CNTN4: variants seen among roughly 807,000 people sequenced by gnomAD.
CNTN4 encodes contactin 4.
CNTN4 carries 77 observed loss-of-function variants against 122.5 expected under a neutral mutation model. That is an observed-to-expected ratio of 0.63 (90% confidence interval 0.52 to 0.76). The LOEUF (loss-of-function observed/expected upper bound fraction) is 0.76, where lower values mean the gene tolerates loss of function less well. CNTN4 is among the 30% of genes least tolerant of loss of function. CNTN4 has a pLI of 0.00. For synonymous variants in CNTN4, 512 were observed against 447.0 expected (o/e 1.15, Z -1.83); for missense variants, 1,256 against 1,259.1 (o/e 1.00, Z 0.04).
chr3:2,474,983 A>G (rs1422655471), intron 3 of CNTN4, among the ~76,000 whole-genome samples: 3 of 152,196 alleles, frequency 2.0e-5, no homozygotes, highest in Non-Finnish European at 2.9e-5. Flanking sequence ...TTTAAATAGC[A>G]ATGCATTCAA....
At chr3:2,351,689 G>T (rs2044630207) in intron 3 of CNTN4, among the ~76,000 whole-genome samples, 1 of 151,974 alleles carries the variant, frequency 6.6e-6, no homozygotes, top group African/African-American at 2.4e-5. Flanking sequence ...TAATATTTTT[G>T]GAATGTGGTT....
Position 2,790,095 on chromosome 3 carries a change from A to G in CNTN4, c.359-29391A>G, listed in dbSNP as rs77767627. ...TAATTTCACTTCTTATTTAGGGGAA[A>G]AATTATTATCTCTTTTTAAAATGAG... On this transcript the variant is annotated intron_variant, in intron 6 of 24. Coordinates refer to ENST00000418658, the MANE Select transcript of CNTN4 (RefSeq NM_175607.3). 9.4e-3 allele frequency among the ~76,000 whole-genome samples: 1,433 copies of G among 152,350 alleles called. 7 individuals carry two copies. The highest frequency in any genetic ancestry group is 0.017 in the South Asian group (84 of 4,830).
chr3:2,325,875 C>G (rs1393310582), intron 2 of CNTN4, among the ~76,000 whole-genome samples: 1 of 152,030 alleles, frequency 6.6e-6, no homozygotes, highest in Admixed American at 6.6e-5. Context: ...GCTTTATTTT[C>G]TAATAGAAAT....
chr3:2,592,953 C>A (rs1473284246), intron 4 of CNTN4, among the ~76,000 whole-genome samples: 2 of 152,176 alleles, frequency 1.3e-5, no homozygotes, highest in Non-Finnish European at 2.9e-5. Flanking sequence ...GGTTTCTAAT[C>A]AGGTGAAGAG....
intron 2 of CNTN4, among the ~76,000 whole-genome samples, chr3:2,128,290 C>T (rs2034279991): frequency 6.6e-6 from 1 of 152,182 alleles, no homozygotes; most frequent in African/African-American, 2.4e-5. Flanking sequence ...CAAAAGAAAA[C>T]ACATATTTCC....
intron 2 of CNTN4, among the ~76,000 whole-genome samples, chr3:2,111,984 T>C (rs905085242): frequency 6.6e-6 from 1 of 152,160 alleles, no homozygotes; most frequent in Non-Finnish European, 1.5e-5. Context: ...ATCTATGGGA[T>C]AGACAATGCA....
chr3:2,793,722 C>T (rs538847357), intron 6 of CNTN4, among the ~76,000 whole-genome samples: 2 of 152,248 alleles, frequency 1.3e-5, no homozygotes, highest in East Asian at 3.9e-4. Context: ...TACCTTATTC[C>T]ATGCTACCTA....
intron 2 of CNTN4, among the ~76,000 whole-genome samples, chr3:2,251,027 G>T (rs1309934218): frequency 6.6e-6 from 1 of 151,774 alleles, no homozygotes; most frequent in Non-Finnish European, 1.5e-5. Context: ...TATATATAGT[G>T]TCATATCTAA....
At chr3:2,849,354 T>C (rs759342310) in intron 7 of CNTN4, among the ~76,000 whole-genome samples, 32 of 152,320 alleles carry the variant, frequency 2.1e-4, no homozygotes, top group Middle Eastern at 6.8e-3. Context: ...TTGCACAACA[T>C]TGGGAATGGA....
intron 6 of CNTN4, among the ~76,000 whole-genome samples, chr3:2,777,810 T>C (rs189003631): frequency 1.6e-4 from 24 of 152,354 alleles, no homozygotes; most frequent in African/African-American, 5.0e-4. Context: ...TCCTTTTCTC[T>C]GTGAAAGTTT....
chr3:3,004,590 C>CACCT (rs1696422299), intron 14 of CNTN4, among the ~76,000 whole-genome samples: 1 of 152,160 alleles, frequency 6.6e-6, no homozygotes, highest in Non-Finnish European at 1.5e-5. Flanking sequence ...TCGACATTAC[C>CACCT]ACCTATAAGC....
chr3:2,588,234 T>A (rs2080296422), intron 4 of CNTN4, among the ~76,000 whole-genome samples: 1 of 152,154 alleles, frequency 6.6e-6, no homozygotes, highest in Non-Finnish European at 1.5e-5. Context: ...AGTATAAGAC[T>A]GTCATGTGTC....
intron 20 of CNTN4, chr3:3,040,525 A>G (rs1013788364): frequency 1.9e-6 from 1 of 533,040 alleles, no homozygotes; most frequent in Non-Finnish European, 3.4e-6. Flanking sequence ...TGCAAATACC[A>G]TATAAGATCT....
At chr3:2,675,132 A>ATT (rs11396844) in intron 4 of CNTN4, among the ~76,000 whole-genome samples, 25 of 149,052 alleles carry the variant, frequency 1.7e-4, no homozygotes, top group Admixed American at 2.0e-4. Flanking sequence ...ATATATATGT[A>ATT]TTTTTTTTTT....
chr3:2,945,116 T>C (rs2094661914), intron 13 of CNTN4, among the ~76,000 whole-genome samples: 2 of 152,064 alleles, frequency 1.3e-5, no homozygotes, highest in Non-Finnish European at 2.9e-5. Flanking sequence ...TGGGCAGAGT[T>C]TTTGGAGGTA....
chr3:2,757,784 A>G (rs1196953695), intron 6 of CNTN4, among the ~76,000 whole-genome samples: 1 of 152,204 alleles, frequency 6.6e-6, no homozygotes, highest in Non-Finnish European at 1.5e-5. Flanking sequence ...CAAGGGCATC[A>G]TGAAAAGATG....
intron 2 of CNTN4, among the ~76,000 whole-genome samples, chr3:2,242,175 C>T (rs752043469): frequency 4.6e-5 from 7 of 152,038 alleles, no homozygotes; most frequent in South Asian, 2.1e-4. Context: ...AATCACAAAA[C>T]GATAGACATT....
At chr3:3,028,997 G>T (rs1698953903) in intron 15 of CNTN4, among the ~76,000 whole-genome samples, 1 of 151,894 alleles carries the variant, frequency 6.6e-6, no homozygotes, top group African/African-American at 2.4e-5. Context: ...GGATTTTAGT[G>T]TACTACGGTC....
intron 4 of CNTN4, among the ~76,000 whole-genome samples, chr3:2,605,510 G>A (rs1256932312): frequency 6.6e-6 from 1 of 152,090 alleles, no homozygotes; most frequent in Non-Finnish European, 1.5e-5. Flanking sequence ...AATTTTCTCT[G>A]GCTTCTCTGT....
Sources: gnomAD v4.1 joint callset for allele counts (sites outside exome capture counted in the v4.1 genomes callset) on GRCh38, gnomAD v4.1.1 for gene constraint, MANE v1.5 for transcripts, NCBI Gene and HGNC (gene_info 2026-07-23, HGNC 2026-07-21) for gene names.